Variants in ARMC6 observed in about 807,000 individuals in gnomAD.
ARMC6 encodes the protein armadillo repeat containing 6, also known as armadillo repeat-containing protein 6.
A neutral mutation model predicts 49.2 loss-of-function variants in ARMC6; 43 were observed. The observed-to-expected ratio is 0.87, with a 90% CI of 0.69 to 1.13. The LOEUF (loss-of-function observed/expected upper bound fraction) is 1.13, where lower values mean the gene tolerates loss of function less well. Among genes scored for constraint, ARMC6 ranks in the 50% most tolerant of loss-of-function variants. The pLI, the probability that ARMC6 is intolerant of heterozygous loss-of-function variation, is 0.00. For missense variants in ARMC6, 627 were observed against 682.0 expected (o/e 0.92, Z 0.90); for synonymous variants, 262 against 289.6 (o/e 0.90, Z 0.97).
intron 2 of ARMC6, among the ~76,000 whole-genome samples, chr19:19,035,083 C>G (rs1434652408): frequency 6.6e-6 from 1 of 152,188 alleles, no homozygotes; most frequent in African/African-American, 2.4e-5. Context: ...CCAGGATGGT[C>G]TTGATCTCCT....
intron 2 of ARMC6, 109 bp downstream of exon 2, chr19:19,034,347 G>A: frequency 7.3e-7 from 1 of 1,378,646 alleles, no homozygotes; most frequent in Non-Finnish European, 9.9e-7. Context: ...GGATGAGAAA[G>A]GCGGGGAAGA....
intron 2 of ARMC6, among the ~76,000 whole-genome samples, chr19:19,035,457 C>T (rs1042531306): frequency 7.9e-5 from 12 of 152,224 alleles, no homozygotes; most frequent in Admixed American, 6.5e-4. Context: ...CTAGGCTGTT[C>T]TCCAGGTAAT....
At chr19:19,038,687 C>T (rs1481305928) in intron 2 of ARMC6, among the ~76,000 whole-genome samples, 2 of 152,162 alleles carry the variant, frequency 1.3e-5, no homozygotes, top group African/African-American at 4.8e-5. Context: ...AAGCCATTCT[C>T]CTGCCTCAGC....
chr19:19,043,855 A>G, intron 3 of ARMC6, 137 bp from the exon 4 acceptor site: 1 of 705,682 alleles, frequency 1.4e-6, no homozygotes, highest in Non-Finnish European at 2.5e-6. Flanking sequence ...ATGGGCGGGA[A>G]TAGGGAGGTG....
Position 19,057,925 on chromosome 19 carries a change from C to A in ARMC6, c.*297C>A. On this transcript the variant is annotated 3_prime_UTR_variant, in exon 9 of 9. Coordinates refer to ENST00000535612, the MANE Select transcript of ARMC6 (RefSeq NM_001199196.2). ...ACCAGAGGGGGCAAAGGGCACGTCC[C>A]ATCACTCACTGCCCTGTCTGAAATG... 2.0e-6 allele frequency: 1 copy of A among 497,972 alleles called. No homozygotes were observed. The highest frequency in any genetic ancestry group is 3.7e-5 in the East Asian group (1 of 26,780). The allele number at this position is 497,972 out of a possible 1,614,324, so 30.8% of individuals were successfully genotyped here. A position where few individuals can be genotyped will look rare whatever the true frequency, so the allele number is the denominator to read the frequency against.
At chr19:19,036,043 T>A (rs1209956307) in intron 2 of ARMC6, among the ~76,000 whole-genome samples, 1 of 151,850 alleles carries the variant, frequency 6.6e-6, no homozygotes, top group Non-Finnish European at 1.5e-5. Context: ...GACTCATGAA[T>A]CTGAGGTTTT....
At chr19:19,056,296 C>G (rs2059544220) in intron 8 of ARMC6, among the ~76,000 whole-genome samples, 1 of 145,332 alleles carries the variant, frequency 6.9e-6, no homozygotes, top group South Asian at 2.2e-4. Context: ...CAGTCTCACT[C>G]TGTCGCCCAG....
intron 1 of ARMC6, 80 bp downstream of exon 1, chr19:19,034,010 T>G: frequency 1.8e-6 from 1 of 558,618 alleles, no homozygotes; most frequent in South Asian, 2.0e-5. Flanking sequence ...GGCGCGACCC[T>G]CGGGTACGTG....
chr19:19,041,780 AAC>A (rs2059413513), intron 2 of ARMC6, among the ~76,000 whole-genome samples: 2 of 152,256 alleles, frequency 1.3e-5, no homozygotes, highest in African/African-American at 4.8e-5. Context: ...CACCTCAATC[AAC>A]AGTTACCTTT....
At chr19:19,037,250 G>C (rs1376326487) in intron 2 of ARMC6, among the ~76,000 whole-genome samples, 1 of 152,130 alleles carries the variant, frequency 6.6e-6, no homozygotes, top group Non-Finnish European at 1.5e-5. Context: ...CTGGCTGCGA[G>C]CCAGTCCTTC....
At chr19:19,035,533 A>T (rs1269901647) in intron 2 of ARMC6, among the ~76,000 whole-genome samples, 4 of 152,150 alleles carry the variant, frequency 2.6e-5, no homozygotes, top group Non-Finnish European at 5.9e-5. Flanking sequence ...CCTCCAACTC[A>T]GCCCTGTACC....
At chr19:19,052,402 A>G (rs1007352787) in intron 5 of ARMC6, among the ~76,000 whole-genome samples, 2 of 152,062 alleles carry the variant, frequency 1.3e-5, no homozygotes, top group Non-Finnish European at 2.9e-5. Context: ...GCCAGCACTC[A>G]GGGGCCAGGA....
rs769383309 is a variant in ARMC6, at chr19:19,054,206, T to A, written c.908T>A (p.Leu303Gln). Residue 303 changes from leucine (L) to glutamine (Q), a missense_variant, in exon 6 of 9, where the codon CTG becomes CAG. By Grantham distance (113) the Leu-to-Gln change is moderately radical. Transcript: ENST00000535612. ...GAGCTCTGTGGAACCCTGTCCCGCC[T>A]GGCCATTCGCAACGAGTTCTGCCAG... ...LSELCGTLSR[L>Q]AIRNEFCQEV... is the part of the protein sequence containing the mutation. 1 of 1,611,924 alleles carries A rather than the reference T, an allele frequency of 6.2e-7. No individual in the cohort carries two copies. Among genetic ancestry groups the A allele is most frequent in the South Asian group, 1.1e-5 (1 of 90,804 alleles).
chr19:19,054,234 G>A lies in ARMC6; in HGVS notation c.936G>A (p.Glu312=). 6.2e-7 allele frequency: 1 copy of A among 1,612,130 alleles called. No homozygotes were observed. The highest frequency in any genetic ancestry group is 8.5e-7 in the Non-Finnish European group (1 of 1,179,200). Reference sequence around the variant, plus strand: ...CCATTCGCAACGAGTTCTGCCAGGAGGTCGTCGACCTCGGGGGCCTGAGCA... The same window carrying A: ...CCATTCGCAACGAGTTCTGCCAGGAAGTCGTCGACCTCGGGGGCCTGAGCA... The part of the protein sequence containing the change: ...RLAIRNEFCQ[E]VVDLGGLSIL... Residue 312 remains glutamate, a synonymous_variant, in exon 6 of 9, where the codon GAG becomes GAA. Transcript: ENST00000535612.
chr19:19,045,630 G>A (rs987890304), intron 4 of ARMC6, among the ~76,000 whole-genome samples: 3 of 149,878 alleles, frequency 2.0e-5, no homozygotes, highest in Admixed American at 1.4e-4. Flanking sequence ...TGGGATTACA[G>A]GTGCACACCA....
chr19:19,055,699 G>T lies in ARMC6; in HGVS notation c.1156-92G>T, dbSNP rs1338913127. 1.4e-6 allele frequency: 2 copies of T among 1,480,536 alleles called. No individual in the cohort carries two copies. The highest frequency in any genetic ancestry group is 1.8e-6 in the Non-Finnish European group (2 of 1,108,074). The allele number at this position is 1,480,536 out of a possible 1,614,324, so 91.7% of individuals were successfully genotyped here. ...GCCAGAGACCCACGGAGGGGAGGCC[G>T]CAGGGTGTTCACCAGGGGTTGGTGG... On this transcript the variant is annotated intron_variant, in intron 7 of 8. Coordinates refer to ENST00000535612, the MANE Select transcript of ARMC6 (RefSeq NM_001199196.2). The surrounding 1 kb of genome is among the most constrained non-coding windows in gnomAD (Gnocchi z 5.7).
At chr19:19,049,017 T>A (rs1439637027) in intron 4 of ARMC6, among the ~76,000 whole-genome samples, 39 of 151,966 alleles carry the variant, frequency 2.6e-4, no homozygotes, top group Admixed American at 2.6e-3. Flanking sequence ...TTGGAATACC[T>A]TTGGCCAAGA....
rs2059536305 is a variant in ARMC6 at position 19,055,447 on chromosome 19, A to G, written c.1155+51A>G. On this transcript the variant is annotated intron_variant, in intron 7 of 8. Transcript: ENST00000535612. This position sits in a 1 kb window ranked among gnomAD's most constrained non-coding sequence, Gnocchi z 5.7. ...GTAGCAGGGTGGTGGCTGGAGTCCC[A>G]GTTCAGTTTCTGTATCTGCATGAAG... is the stretch of plus-strand genomic sequence containing the variant. 1.3e-6 allele frequency: 2 copies of G among 1,542,980 alleles called. No homozygotes were observed. Among genetic ancestry groups the G allele is most frequent in the African/African-American group, 1.4e-5 (1 of 72,772 alleles).
intron 2 of ARMC6, chr19:19,039,271 A>G (rs1376568127): frequency 7.6e-6 from 3 of 396,812 alleles, no homozygotes; most frequent in Admixed American, 2.6e-5. Flanking sequence ...AGTAACTTCA[A>G]CCACACGCAA....
Sources: gnomAD v4.1 joint callset for allele counts (sites outside exome capture counted in the v4.1 genomes callset) on GRCh38, gnomAD v4.1.1 for gene constraint, Gnocchi (gnomAD v3.1) non-coding constraint, MANE v1.5 for transcripts, NCBI Gene and HGNC (gene_info 2026-07-23, HGNC 2026-07-21) for gene names.